Variants in KDM7A observed in about 807,000 individuals in gnomAD.
KDM7A encodes lysine-specific demethylase 7A.
A neutral mutation model predicts 114.8 loss-of-function variants in KDM7A; 28 were observed. The ratio of observed to expected loss-of-function variants is 0.24; its 90% CI spans 0.18 to 0.33. KDM7A has a LOEUF of 0.33. Among genes scored for constraint, KDM7A ranks in the 10% least tolerant of loss-of-function variants. KDM7A has a pLI of 1.00. For synonymous variants in KDM7A, 423 were observed against 397.8 expected, an observed-to-expected ratio of 1.06 and a Z score of -0.75; for missense variants, 942 against 1,142.5, an observed-to-expected ratio of 0.82 and a Z score of 2.53.
chr7:140,169,640 C>T (rs1313147623), intron 1 of KDM7A, among the ~76,000 whole-genome samples: 2 of 152,172 alleles, frequency 1.3e-5, no homozygotes. Context: ...ATTCTCCTGC[C>T]TCAGCCTCCC....
At chr7:140,157,891 C>T (rs979503435) in intron 1 of KDM7A, among the ~76,000 whole-genome samples, 7 of 151,542 alleles carry the variant, frequency 4.6e-5, no homozygotes, top group Admixed American at 4.6e-4. Flanking sequence ...ATTGCTTGAA[C>T]CCAGGAGGCA....
intron 2 of KDM7A, among the ~76,000 whole-genome samples, chr7:140,137,624 T>A (rs572349270): frequency 2.6e-5 from 4 of 152,236 alleles, no homozygotes; most frequent in African/African-American, 9.6e-5. Context: ...CAATTACACA[T>A]GTAACAGTTC....
intron 11 of KDM7A, among the ~76,000 whole-genome samples, chr7:140,105,102 T>C (rs906847477): frequency 1.4e-4 from 22 of 152,170 alleles, no homozygotes; most frequent in Non-Finnish European, 3.1e-4. Context: ...CTGTTATTGG[T>C]GTATAGGAAT....
chr7:140,094,230 C>G (rs374400757), intron 17 of KDM7A, 92 bp from the exon 18 acceptor site: 1 of 822,922 alleles, frequency 1.2e-6, no homozygotes, highest in Non-Finnish European at 2.1e-6. Flanking sequence ...GCAGGTTGGG[C>G]GTGATGGCTC....
chr7:140,171,536 TATATTTATAAA>T (rs1562962706), intron 1 of KDM7A, among the ~76,000 whole-genome samples: 26 of 143,742 alleles, frequency 1.8e-4, no homozygotes, highest in African/African-American at 6.1e-4. Context: ...TATTTATTTA[TATATTTATAAA>T]TATATATTTA....
chr7:140,156,918 G>A (rs535564758), intron 1 of KDM7A, among the ~76,000 whole-genome samples: 1 of 152,280 alleles, frequency 6.6e-6, no homozygotes, highest in South Asian at 2.1e-4. Flanking sequence ...CCCTTAACTT[G>A]CACATTTCCT....
chr7:140,113,130 T>C (rs913533882), intron 10 of KDM7A, among the ~76,000 whole-genome samples: 18 of 152,220 alleles, frequency 1.2e-4, no homozygotes, highest in African/African-American at 1.9e-4. Flanking sequence ...CCTCACACAG[T>C]TGGCATTGAG....
intron 1 of KDM7A, among the ~76,000 whole-genome samples, chr7:140,172,790 C>T (rs554644709): frequency 4.6e-5 from 7 of 152,012 alleles, no homozygotes; most frequent in Non-Finnish European, 7.4e-5. Context: ...AAAAAGTATA[C>T]ATCAATGACA....
Position 140,096,751 on chromosome 7 carries a change from G to C in KDM7A, c.2178C>G (p.Thr726=). Residue 726 remains threonine (T), a synonymous_variant, in exon 17 of 20, where the codon ACC becomes ACG. Coordinates refer to ENST00000397560, the MANE Select transcript of KDM7A (RefSeq NM_030647.2). ...SEIPIKRECP[T]STSTEEEAIQ... ...TAGCTTCTTCCTCTGTGCTCGTCGA[G>C]GTAGGACATTCCCTAAAGAAGAGAT... is the stretch of plus-strand genomic sequence containing the variant. 1 of 1,613,856 alleles carries C rather than the reference G, an allele frequency of 6.2e-7. No individual in the cohort carries two copies.
At chr7:140,144,819 G>C (rs551684269) in intron 1 of KDM7A, among the ~76,000 whole-genome samples, 3 of 152,248 alleles carry the variant, frequency 2.0e-5, no homozygotes, top group Admixed American at 1.3e-4. Context: ...GATCCCTCAG[G>C]AATGTCTTGT....
chr7:140,143,264 T>C (rs1445928631), intron 1 of KDM7A, among the ~76,000 whole-genome samples: 1 of 151,320 alleles, frequency 6.6e-6, no homozygotes, highest in East Asian at 1.9e-4. Context: ...AAAGCCGAAG[T>C]ATACTGTTTA....
chr7:140,176,872 C>G lies in KDM7A; in HGVS notation c.66G>C (p.Ser22=), dbSNP rs1384728491. The change falls in exon 1 of 20, where the codon TCG becomes TCC. Residue 22 remains serine, a synonymous_variant. Coordinates refer to ENST00000397560, the MANE Select transcript of KDM7A (RefSeq NM_030647.2). The surrounding 1 kb of genome is among the most constrained non-coding windows in gnomAD (Gnocchi z 4.4). ...CCGAGGCCCGGCCGGGAGCCGCCACCGACACGGCTGCCGCGGCGGCTCCAG... is the reference window on the plus strand; with the variant it reads ...CCGAGGCCCGGCCGGGAGCCGCCACGGACACGGCTGCCGCGGCGGCTCCAG... ...AAAGAAAAAV[S]VAAPGRASAP... is the part of the protein sequence containing the mutation. 8 of 1,244,358 alleles carry G rather than the reference C, an allele frequency of 6.4e-6. No homozygotes were observed. The highest frequency in any genetic ancestry group is 8.2e-6 in the Non-Finnish European group (8 of 980,890). 77.1% of individuals were successfully genotyped at this position (1,244,358 alleles called of 1,614,324 possible). A position where few individuals can be genotyped will look rare whatever the true frequency, so the allele number is the denominator to read the frequency against.
At chr7:140,102,929 A>C (rs998975) in intron 11 of KDM7A, among the ~76,000 whole-genome samples, 4,653 of 152,284 alleles carry the variant, frequency 0.031, 245 homozygotes, top group African/African-American at 0.11. Flanking sequence ...CATTCTCCAG[A>C]GGCAACCACT....
At chr7:140,113,692 C>T (rs1459030516) in intron 9 of KDM7A, 110 bp from the exon 10 acceptor site, 12 of 466,370 alleles carry the variant, frequency 2.6e-5, no homozygotes, top group African/African-American at 4.0e-5. Context: ...ATATAACTTC[C>T]AAATTAATAA....
At chr7:140,114,118 G>A (rs1333146624) in intron 9 of KDM7A, among the ~76,000 whole-genome samples, 2 of 151,170 alleles carry the variant, frequency 1.3e-5, no homozygotes, top group Non-Finnish European at 3.0e-5. Context: ...AAAGACGTAT[G>A]TAACCACTTA....
At chr7:140,092,683 CA>C (rs1451744119) in intron 18 of KDM7A, among the ~76,000 whole-genome samples, 2 of 152,148 alleles carry the variant, frequency 1.3e-5, no homozygotes, top group East Asian at 3.8e-4. Flanking sequence ...GAGAAAGGAA[CA>C]GACTAGATGT....
intron 1 of KDM7A, among the ~76,000 whole-genome samples, chr7:140,163,248 C>T (rs913857619): frequency 6.6e-6 from 1 of 151,904 alleles, no homozygotes; most frequent in Non-Finnish European, 1.5e-5. Flanking sequence ...CCTGCCTGAG[C>T]CTCCCAAAGT....
chr7:140,115,603 G>A (rs888489997), intron 9 of KDM7A, among the ~76,000 whole-genome samples: 2 of 151,848 alleles, frequency 1.3e-5, no homozygotes, highest in East Asian at 1.9e-4. Context: ...TAGCATGCTC[G>A]TTAAGAGTCA....
chr7:140,103,464 CCT>C (rs1491503645), intron 11 of KDM7A, among the ~76,000 whole-genome samples: 19 of 151,752 alleles, frequency 1.3e-4, no homozygotes, highest in African/African-American at 2.4e-4. Context: ...CCTCCCCCCC[CCT>C]CCAACCCACG....
Sources: gnomAD v4.1 joint callset for allele counts (sites outside exome capture counted in the v4.1 genomes callset) on GRCh38, gnomAD v4.1.1 for gene constraint, Gnocchi (gnomAD v3.1) non-coding constraint, MANE v1.5 for transcripts, NCBI Gene and HGNC (gene_info 2026-07-23, HGNC 2026-07-21) for gene names.